The following TSPEAR variants were observed in gnomAD, a reference collection of about 807,000 sequenced individuals.
TSPEAR encodes the protein thrombospondin type laminin G domain and EAR repeats.
TSPEAR carries 69 observed loss-of-function variants against 71.6 expected under a neutral mutation model. That is an observed-to-expected ratio of 0.96 (90% confidence interval 0.79 to 1.18). TSPEAR has a LOEUF of 1.18. Among genes scored for constraint, TSPEAR ranks in the 50% most tolerant of loss-of-function variants. TSPEAR has a pLI of 0.00. For synonymous variants in TSPEAR, 402 were observed against 387.2 expected, an observed-to-expected ratio of 1.04 and a Z score of -0.45; for missense variants, 971 against 894.9, an observed-to-expected ratio of 1.09 and a Z score of -1.09.
intron 1 of TSPEAR, among the ~76,000 whole-genome samples, chr21:44,614,033 G>T (rs1458595868): frequency 6.6e-6 from 1 of 152,136 alleles, no homozygotes; most frequent in Non-Finnish European, 1.5e-5. Flanking sequence ...GCTCTGCTGG[G>T]CTTGCCCATC....
At position 44,523,361 on chromosome 21, in the gene TSPEAR, AGTCAGTCAGTAAGGTAGTCAGTTG is replaced by A. The variant is rs1238392076; in HGVS notation, c.1337-1273_1337-1250del. Among the ~76,000 whole-genome samples the A allele has an allele frequency of 1.1e-4, 17 of 151,698 alleles. No homozygotes were observed. In the East Asian group the frequency reaches 3.1e-3, roughly 28 times the overall value. ...AGTGAAGTGGTCGGTCAGTTGTGTCAGTCAGTCAGTAAGGTAGTCAGTTGGTCAGTCAGTTAGGTAGTTAATAAG... is the reference window on the plus strand; with the variant it reads ...AGTGAAGTGGTCGGTCAGTTGTGTCAGTCAGTCAGTTAGGTAGTTAATAAG... On this transcript the variant is annotated intron_variant, in intron 8 of 11. Coordinates refer to ENST00000323084, the MANE Select transcript of TSPEAR (RefSeq NM_144991.3).
At position 44,546,074 on chromosome 21, in the gene TSPEAR, C is replaced by G. The variant is rs996986789; in HGVS notation, c.304-12151G>C. Among the ~76,000 whole-genome samples, 9 of 151,942 alleles carry G rather than the reference C, an allele frequency of 5.9e-5. No homozygotes were observed. The highest frequency in any genetic ancestry group is 2.2e-4 in the African/African-American group (9 of 41,334). On this transcript the variant is annotated intron_variant, in intron 2 of 11. Transcript: ENST00000323084. The surrounding 1 kb of genome is among the most constrained non-coding windows in gnomAD (Gnocchi z 4.4). ...GATGACAGATTCAAATAATTAAAAT[C>G]GTAAATGAAAATGGGAATATCACTA...
At chr21:44,524,029 T>G (rs1478088468) in intron 8 of TSPEAR, among the ~76,000 whole-genome samples, 3 of 149,226 alleles carry the variant, frequency 2.0e-5, no homozygotes, top group Admixed American at 6.6e-5. Context: ...AGTCAGGTAG[T>G]TAGTCAGTTG....
chr21:44,616,027 G>A (rs1167441244), intron 1 of TSPEAR, among the ~76,000 whole-genome samples: 3 of 152,184 alleles, frequency 2.0e-5, no homozygotes, highest in Non-Finnish European at 2.9e-5. Flanking sequence ...ATCCCCCAGC[G>A]GAGGCCACAC....
At chr21:44,511,786 CCT>C (rs2052387657) in intron 9 of TSPEAR, among the ~76,000 whole-genome samples, 1 of 152,264 alleles carries the variant, frequency 6.6e-6, no homozygotes, top group Non-Finnish European at 1.5e-5. Flanking sequence ...CCTGAAACTC[CCT>C]CTCAGGGAAA....
At chr21:44,648,126 C>T (rs1212971737) in intron 1 of TSPEAR, among the ~76,000 whole-genome samples, 1 of 152,194 alleles carries the variant, frequency 6.6e-6, no homozygotes, top group Non-Finnish European at 1.5e-5. Flanking sequence ...ATTTCATGGG[C>T]CCCAAGAGGG....
At chr21:44,694,837 G>A (rs1410102902) in intron 1 of TSPEAR, among the ~76,000 whole-genome samples, 10 of 152,160 alleles carry the variant, frequency 6.6e-5, no homozygotes, top group Admixed American at 2.6e-4. Context: ...GGGAGAAGGC[G>A]GCGCTCACAG....
At chr21:44,515,261 G>A (rs1287031554) in intron 9 of TSPEAR, among the ~76,000 whole-genome samples, 2 of 152,388 alleles carry the variant, frequency 1.3e-5, no homozygotes, top group Non-Finnish European at 2.9e-5. Context: ...GAATTACTGA[G>A]TTTTGAAAGA....
chr21:44,601,770 C>T, intron 1 of TSPEAR: 7 of 1,583,264 alleles, frequency 4.4e-6, no homozygotes, highest in Non-Finnish European at 6.0e-6. Flanking sequence ...CCTGAGTGCT[C>T]ACTGCCACCT....
chr21:44,710,424 C>T lies in TSPEAR; in HGVS notation c.82+1009G>A, dbSNP rs1475470703. ...CAGGCACGTTTATGACCCCCACCCC[C>T]ACCCCCACCCCCCACGCGAGTCAGC... On this transcript the variant is annotated intron_variant, in intron 1 of 11. Coordinates refer to ENST00000323084, the MANE Select transcript of TSPEAR (RefSeq NM_144991.3). The surrounding 1 kb of genome is among the most constrained non-coding windows in gnomAD (Gnocchi z 4.6). 1.3e-5 allele frequency among the ~76,000 whole-genome samples: 2 copies of T among 151,912 alleles called. No homozygotes were observed. Among genetic ancestry groups the T allele is most frequent in the Non-Finnish European group, 2.9e-5 (2 of 67,926 alleles).
intron 1 of TSPEAR, among the ~76,000 whole-genome samples, chr21:44,583,721 T>TC (rs1979155897): frequency 6.6e-6 from 1 of 152,198 alleles, no homozygotes; most frequent in Non-Finnish European, 1.5e-5. Flanking sequence ...TATCCCTTTT[T>TC]CCCCAGCTTT....
chr21:44,570,060 C>T (rs1413503521), intron 1 of TSPEAR, among the ~76,000 whole-genome samples: 1 of 152,170 alleles, frequency 6.6e-6, no homozygotes, highest in Non-Finnish European at 1.5e-5. Flanking sequence ...TGGTGCTGGG[C>T]TCACCCCTGG....
chr21:44,501,176 G>A (rs587762092), intron 11 of TSPEAR, among the ~76,000 whole-genome samples: 5 of 152,322 alleles, frequency 3.3e-5, no homozygotes, highest in South Asian at 2.1e-4. Flanking sequence ...ATGGCCGGGC[G>A]GGGTGGCTTA....
At position 44,666,410 on chromosome 21, in the gene TSPEAR, A is replaced by T. The variant is rs782097313; in HGVS notation, c.82+45023T>A. ...CCAGGGAGTGTACAGGTGTGGCCTC[A>T]TCTGCACTGGGAGCAGCGGGTCTGG... On this transcript the variant is annotated intron_variant, in intron 1 of 11. Transcript: ENST00000323084. The T allele has an allele frequency of 1.9e-6, 3 of 1,555,394 alleles. No individual in the cohort carries two copies. The Admixed American group carries it at 5.4e-5, about 28-fold the overall frequency.
chr21:44,567,894 G>A lies in TSPEAR; in HGVS notation c.194C>T (p.Ala65Val), dbSNP rs942745339. 1 of 1,608,904 alleles carries A rather than the reference G, an allele frequency of 6.2e-7. No individual in the cohort carries two copies. The highest frequency in any genetic ancestry group is 1.3e-5 in the African/African-American group (1 of 74,970). ...TGCTGGGAAGCTCATGGTGCGGGGG[G>A]CGGCTACTGAGAGCTGGAGTCCCCG... ...GARGLQLSVA[A>V]PRTMSFPASR... Residue 65 changes from alanine to valine, a missense_variant, in exon 2 of 12, where the codon GCC becomes GTC. Ala to Val is a moderately conservative substitution (Grantham distance 64). Transcript: ENST00000323084.
At position 44,612,663 on chromosome 21, in the gene TSPEAR, G is replaced by T. The variant is rs782279428; in HGVS notation, c.83-44658C>A. On this transcript the variant is annotated intron_variant, in intron 1 of 11. Transcript: ENST00000323084. This position sits in a 1 kb window ranked among gnomAD's most constrained non-coding sequence, Gnocchi z 4.1. ...TGCTCTGGGGCTTCCTCTCTGTGCT[G>T]CCAGAAGTCTAGCTGCCAGCCGGCT... The T allele has an allele frequency of 6.2e-7, 1 of 1,613,934 alleles. No homozygotes were observed. Among genetic ancestry groups the T allele is most frequent in the Non-Finnish European group, 8.5e-7 (1 of 1,179,966 alleles).
intron 1 of TSPEAR, among the ~76,000 whole-genome samples, chr21:44,653,224 G>A (rs191178946): frequency 1.8e-3 from 269 of 152,312 alleles, no homozygotes; most frequent in African/African-American, 5.8e-3. Context: ...CTTATAGGGC[G>A]AGTGATGATG....
intron 9 of TSPEAR, chr21:44,517,877 T>C (rs782800471): frequency 8.5e-6 from 4 of 471,082 alleles, no homozygotes; most frequent in Admixed American, 2.3e-5. Flanking sequence ...CTCAGCGCCC[T>C]TTCAGTCTGA....
rs1986742781 is a variant in TSPEAR, at chr21:44,684,054, TGAA to T, written c.82+27376_82+27378del. ...CACATCCAGGCACATCATGAAGTGA[TGAA>T]AACCAAAAATGAAGACAAAATCTCA... On this transcript the variant is annotated intron_variant, in intron 1 of 11. Transcript: ENST00000323084. Among the ~76,000 whole-genome samples, 3 of 152,270 alleles carry T rather than the reference TGAA, an allele frequency of 2.0e-5. No homozygotes were observed. The South Asian group carries it at 6.2e-4, about 32-fold the overall frequency.
Sources: allele counts gnomAD v4.1 joint callset (sites outside exome capture counted in the v4.1 genomes callset), GRCh38; gene constraint gnomAD v4.1.1; non-coding constraint Gnocchi (gnomAD v3.1); transcripts MANE v1.5; gene names NCBI Gene and HGNC (gene_info 2026-07-23, HGNC 2026-07-21).